Variants in KHDRBS2 observed in about 807,000 individuals in gnomAD.
KHDRBS2 encodes the protein KH RNA binding domain containing, signal transduction associated 2.
KHDRBS2 carries 26 observed loss-of-function variants against 44.3 expected under a neutral mutation model. The ratio of observed to expected loss-of-function variants is 0.59; its 90% confidence interval spans 0.43 to 0.81. KHDRBS2 has a LOEUF of 0.81. Ranked by LOEUF, KHDRBS2 falls within the 40% of genes least tolerant of loss-of-function variation. KHDRBS2 has a pLI of 0.00. For synonymous variants in KHDRBS2, 194 were observed against 151.1 expected (o/e 1.28, Z -2.08); for missense variants, 476 against 433.1 (o/e 1.10, Z -0.88).
intron 3 of KHDRBS2, among the ~76,000 whole-genome samples, chr6:61,978,868 T>C (rs1773268695): frequency 6.6e-6 from 1 of 152,110 alleles, no homozygotes; most frequent in Non-Finnish European, 1.5e-5. Context: ...ACGTAACTTC[T>C]GGTTAACCAA....
At chr6:61,901,520 T>A (rs1304404722) in intron 4 of KHDRBS2, 149 bp from the exon 5 acceptor site, 1 of 629,820 alleles carries the variant, frequency 1.6e-6, no homozygotes, top group Non-Finnish European at 2.7e-6. Context: ...TATAAAATGA[T>A]ATTAAAAAGT....
intron 1 of KHDRBS2, among the ~76,000 whole-genome samples, chr6:62,182,270 A>T (rs1822470951): frequency 6.6e-6 from 1 of 152,058 alleles, no homozygotes; most frequent in African/African-American, 2.4e-5. Flanking sequence ...AGTCAAACTC[A>T]TAGAAGCAAG....
chr6:62,092,604 T>C (rs1446178006), intron 2 of KHDRBS2, among the ~76,000 whole-genome samples: 7 of 152,192 alleles, frequency 4.6e-5, no homozygotes, highest in African/African-American at 1.4e-4. Context: ...AAATAATATT[T>C]CATTGTAACT....
intron 3 of KHDRBS2, among the ~76,000 whole-genome samples, chr6:61,980,035 G>T (rs1397632277): frequency 6.6e-6 from 1 of 152,080 alleles, no homozygotes; most frequent in Non-Finnish European, 1.5e-5. Flanking sequence ...TTCCTAGAGT[G>T]ACATGACTAG....
At chr6:61,921,780 G>T (rs906578771) in intron 4 of KHDRBS2, among the ~76,000 whole-genome samples, 2 of 151,902 alleles carry the variant, frequency 1.3e-5, no homozygotes, top group African/African-American at 4.8e-5. Context: ...ATAATTCTAT[G>T]ATTATCATTC....
intron 2 of KHDRBS2, among the ~76,000 whole-genome samples, chr6:62,081,234 T>C (rs1212305938): frequency 6.6e-6 from 1 of 152,112 alleles, no homozygotes; most frequent in South Asian, 2.1e-4. Flanking sequence ...TGCTAAAAGA[T>C]ACAGTACAAT....
At chr6:62,040,323 G>A (rs1024907439) in intron 3 of KHDRBS2, among the ~76,000 whole-genome samples, 1 of 151,942 alleles carries the variant, frequency 6.6e-6, no homozygotes, top group Non-Finnish European at 1.5e-5. Flanking sequence ...CAGCAGAAAT[G>A]CAAAAAGAGA....
intron 7 of KHDRBS2, among the ~76,000 whole-genome samples, chr6:61,718,945 T>C (rs1351643399): frequency 1.1e-4 from 16 of 151,930 alleles, no homozygotes; most frequent in African/African-American, 2.4e-4. Context: ...TCAAAAAAGG[T>C]TTTCATTCTA....
chr6:61,785,548 C>G (rs1783670332), intron 6 of KHDRBS2, among the ~76,000 whole-genome samples: 1 of 151,862 alleles, frequency 6.6e-6, no homozygotes, highest in Non-Finnish European at 1.5e-5. Context: ...TGTGTATATG[C>G]ATATGAAAAT....
chr6:61,688,438 T>G (rs1050526133), intron 8 of KHDRBS2, among the ~76,000 whole-genome samples: 11 of 151,978 alleles, frequency 7.2e-5, no homozygotes, highest in African/African-American at 2.4e-4. Context: ...GAGTTTATAA[T>G]ATGAGGAATA....
At chr6:61,859,524 TA>T (rs1232812183) in intron 6 of KHDRBS2, among the ~76,000 whole-genome samples, 1 of 151,862 alleles carries the variant, frequency 6.6e-6, no homozygotes, top group Non-Finnish European at 1.5e-5. Context: ...TTCATAATAC[TA>T]ATTGATCCAA....
chr6:62,060,981 G>T (rs1454333411), intron 2 of KHDRBS2, among the ~76,000 whole-genome samples: 1 of 151,818 alleles, frequency 6.6e-6, no homozygotes, highest in Non-Finnish European at 1.5e-5. Context: ...TTTTATCAGA[G>T]ACTAGGATTG....
At position 62,059,198 on chromosome 6, in the gene KHDRBS2, G is replaced by GTTTTTTTTTTTTTTTTTTTTT. The variant is rs398001756; in HGVS notation, c.220-11225_220-11205dup. Among the ~76,000 whole-genome samples the GTTTTTTTTTTTTTTTTTTTTT allele has an allele frequency of 3.7e-3, 91 of 24,882 alleles. 37 individuals carry two copies. Among genetic ancestry groups the GTTTTTTTTTTTTTTTTTTTTT allele is most frequent in the Non-Finnish European group, 5.2e-3 (63 of 12,206 alleles). 16.3% of individuals were successfully genotyped at this position (24,882 alleles called of 152,430 possible). Reference sequence around the variant, plus strand: ...TATTTCCACATAGAAAAGTTAGGAAGTTTTTTTTTTTTTTTTTTTTTTTTT... The same window carrying GTTTTTTTTTTTTTTTTTTTTT: ...TATTTCCACATAGAAAAGTTAGGAAGTTTTTTTTTTTTTTTTTTTTTTTTTTTTTTTTTTTTTTTTTTTTTT... On this transcript the variant is annotated intron_variant, in intron 2 of 8. Transcript: ENST00000281156.
chr6:61,619,219 G>A, the KHDRBS2 span, among the ~76,000 whole-genome samples: 1 of 151,412 alleles, frequency 6.6e-6, no homozygotes, highest in African/African-American at 2.4e-5. Context: ...CATCACCCAA[G>A]TAGTGTACAT....
At chr6:61,591,915 G>T in the KHDRBS2 span, among the ~76,000 whole-genome samples, 1 of 152,130 alleles carries the variant, frequency 6.6e-6, no homozygotes, top group Non-Finnish European at 1.5e-5. Flanking sequence ...GGCCAGGTGT[G>T]GTGGCTGACA....
chr6:61,849,667 A>G (rs1253004955), intron 6 of KHDRBS2, among the ~76,000 whole-genome samples: 1 of 151,928 alleles, frequency 6.6e-6, no homozygotes, highest in Non-Finnish European at 1.5e-5. Context: ...ATCTTTCCCA[A>G]AGACCCAGAA....
intron 3 of KHDRBS2, among the ~76,000 whole-genome samples, chr6:61,996,875 C>T (rs1371476228): frequency 5.3e-5 from 8 of 151,186 alleles, no homozygotes; most frequent in African/African-American, 1.9e-4. Flanking sequence ...CCTCTGCGCC[C>T]GAGTTTAAGC....
At chr6:61,995,611 G>T (rs1042779273) in intron 3 of KHDRBS2, among the ~76,000 whole-genome samples, 2 of 152,172 alleles carry the variant, frequency 1.3e-5, no homozygotes, top group African/African-American at 4.8e-5. Flanking sequence ...AGGCATGCAA[G>T]GGGTCCATGT....
rs929262576 is a variant in KHDRBS2, at chr6:61,713,207, A to G, written c.894-15954T>C. The stretch of plus-strand genomic sequence containing the variant: ...ACAGCATTGCAACTGGAGGATTGTG[A>G]ACCTATACTTTAATGTACCATATTT... On this transcript the variant is annotated intron_variant, in intron 7 of 8. Coordinates refer to ENST00000281156, the MANE Select transcript of KHDRBS2 (RefSeq NM_152688.4). Among the ~76,000 whole-genome samples, 14 of 151,808 alleles carry G rather than the reference A, an allele frequency of 9.2e-5. 1 individual carries two copies. Among genetic ancestry groups the G allele is most frequent in the Admixed American group, 5.9e-4 (9 of 15,202 alleles).
Sources: allele counts gnomAD v4.1 joint callset (sites outside exome capture counted in the v4.1 genomes callset), GRCh38; gene constraint gnomAD v4.1.1; transcripts MANE v1.5; gene names NCBI Gene and HGNC (gene_info 2026-07-23, HGNC 2026-07-21).